The following ATP6V0E1 variants were observed in gnomAD, a reference collection of about 807,000 sequenced individuals.
ATP6V0E1 encodes the protein ATPase H+ transporting V0 subunit e1, also known as V-type proton ATPase subunit e 1.
A neutral mutation model predicts 11.6 loss-of-function variants in ATP6V0E1; 4 were observed. That is an observed-to-expected ratio of 0.35 (90% CI 0.17 to 0.79). The LOEUF (loss-of-function observed/expected upper bound fraction) is 0.79. Ranked by LOEUF, ATP6V0E1 falls within the 30% of genes least tolerant of loss-of-function variation. The pLI is 0.54. For synonymous variants in ATP6V0E1, 36 were observed against 34.8 expected (o/e 1.04, Z -0.13); for missense variants, 105 against 100.0 (o/e 1.05, Z -0.21).
intron 1 of ATP6V0E1, among the ~76,000 whole-genome samples, chr5:172,987,745 TC>T (rs1755918492): frequency 6.6e-6 from 1 of 150,836 alleles, no homozygotes; most frequent in Non-Finnish European, 1.5e-5. Context: ...TCAGAGAGTC[TC>T]ACTGTCACCC....
chr5:173,031,711 C>T (rs996330289), intron 3 of ATP6V0E1, among the ~76,000 whole-genome samples: 16 of 149,274 alleles, frequency 1.1e-4, no homozygotes, highest in Admixed American at 6.1e-4. Flanking sequence ...CCCAGCTACT[C>T]GGGAGGCTGA....
At chr5:173,034,045 G>A (rs1156526323) in intron 3 of ATP6V0E1, among the ~76,000 whole-genome samples, 4 of 152,130 alleles carry the variant, frequency 2.6e-5, no homozygotes, top group African/African-American at 9.7e-5. Context: ...CCATGCCTGC[G>A]GAACCTCCCC....
At chr5:173,007,182 C>T (rs1206869930) in intron 2 of ATP6V0E1, among the ~76,000 whole-genome samples, 1 of 151,990 alleles carries the variant, frequency 6.6e-6, no homozygotes, top group Non-Finnish European at 1.5e-5. Context: ...GCCATGTTGC[C>T]CAGGCTGGTC....
intron 2 of ATP6V0E1, among the ~76,000 whole-genome samples, chr5:172,997,883 G>A (rs1756091542): frequency 6.6e-6 from 1 of 151,850 alleles, no homozygotes; most frequent in Admixed American, 6.6e-5. Context: ...TTGGGAAGCT[G>A]AGGCGGGCAG....
chr5:173,013,531 C>T (rs537950499), intron 2 of ATP6V0E1, among the ~76,000 whole-genome samples: 5 of 145,838 alleles, frequency 3.4e-5, no homozygotes, highest in East Asian at 2.0e-4. Flanking sequence ...GCTGAGATTG[C>T]GCCACTGCAC....
intron 1 of ATP6V0E1, among the ~76,000 whole-genome samples, 186 bp downstream of exon 1, chr5:172,984,150 G>A (rs557772142): frequency 4.6e-5 from 7 of 152,278 alleles, no homozygotes; most frequent in African/African-American, 1.7e-4. Context: ...GTGTCCTCCG[G>A]CCTGAGCGAG....
At chr5:173,008,005 G>C (rs1756254639) in intron 2 of ATP6V0E1, among the ~76,000 whole-genome samples, 1 of 152,218 alleles carries the variant, frequency 6.6e-6, no homozygotes, top group African/African-American at 2.4e-5. Flanking sequence ...AGATCAAAGA[G>C]GTACCACGTT....
chr5:173,028,232 C>T (rs1756592276), intron 3 of ATP6V0E1, among the ~76,000 whole-genome samples: 1 of 152,186 alleles, frequency 6.6e-6, no homozygotes, highest in Non-Finnish European at 1.5e-5. Context: ...GTATCGTAAC[C>T]TAAGACTTTG....
At chr5:172,989,179 A>G (rs925866956) in intron 1 of ATP6V0E1, among the ~76,000 whole-genome samples, 2 of 152,062 alleles carry the variant, frequency 1.3e-5, no homozygotes, top group African/African-American at 2.4e-5. Flanking sequence ...TACAAAAACA[A>G]TTTTTTAAAA....
chr5:173,000,444 AAATGT>A (rs1313023378), intron 2 of ATP6V0E1, among the ~76,000 whole-genome samples: 6 of 152,310 alleles, frequency 3.9e-5, no homozygotes, highest in South Asian at 2.1e-4. Flanking sequence ...ATGAAATTAG[AAATGT>A]AATGTATTGT....
chr5:173,005,371 G>A (rs1237670972), intron 2 of ATP6V0E1, among the ~76,000 whole-genome samples: 1 of 152,064 alleles, frequency 6.6e-6, no homozygotes, highest in Admixed American at 6.6e-5. Flanking sequence ...ATGTCTCTTG[G>A]ATTTTTGGGG....
chr5:173,030,471 C>T (rs1258613726), intron 3 of ATP6V0E1, among the ~76,000 whole-genome samples: 5 of 142,856 alleles, frequency 3.5e-5, no homozygotes, highest in African/African-American at 1.3e-4. Flanking sequence ...AACAGAGTCT[C>T]ACTCTGTTGC....
chr5:172,992,750 A>G (rs183871917), intron 1 of ATP6V0E1, among the ~76,000 whole-genome samples: 9 of 152,230 alleles, frequency 5.9e-5, no homozygotes, highest in Admixed American at 1.3e-4. Context: ...TTTGTTGTCT[A>G]TCTATGCCAG....
intron 2 of ATP6V0E1, among the ~76,000 whole-genome samples, chr5:173,009,897 G>A (rs919864450): frequency 1.3e-5 from 2 of 151,906 alleles, no homozygotes; most frequent in African/African-American, 4.8e-5. Flanking sequence ...CTGAGTAGCT[G>A]GGATTACAGG....
At chr5:173,023,216 C>T (rs1756510278) in intron 3 of ATP6V0E1, among the ~76,000 whole-genome samples, 1 of 151,844 alleles carries the variant, frequency 6.6e-6, no homozygotes, top group Non-Finnish European at 1.5e-5. Context: ...CATTTTGAGA[C>T]AGAGTCTTGC....
intron 1 of ATP6V0E1, among the ~76,000 whole-genome samples, chr5:172,988,941 G>A (rs1755939652): frequency 2.0e-5 from 3 of 152,196 alleles, no homozygotes; most frequent in African/African-American, 4.8e-5. Flanking sequence ...CTCTCGCCTC[G>A]GCCTCCCAAT....
chr5:172,986,808 A>G, intron 1 of ATP6V0E1: 1 of 428,186 alleles, frequency 2.3e-6, no homozygotes, highest in Non-Finnish European at 4.6e-6. Flanking sequence ...TTTGTTTTTG[A>G]GACAGAGTCT....
At position 173,035,373 on chromosome 5, in the gene ATP6V0E1, G is replaced by C. The variant is rs1258714760; in HGVS notation, c.*1011G>C. ...CAGTAATTTTGTATTTCAGTAGCAG[G>C]CATCTCGATACACTAATTTGAGAGC... On this transcript the variant is annotated 3_prime_UTR_variant, in exon 4 of 4. Transcript: ENST00000519374. The C allele has an allele frequency of 6.6e-6, 1 of 152,060 alleles. No individual in the cohort carries two copies. The highest frequency in any genetic ancestry group is 1.9e-4 in the East Asian group (1 of 5,186). The allele number at this position is 152,060 out of a possible 1,614,324, so 9.4% of individuals were successfully genotyped here.
At chr5:173,006,526 C>T (rs1371660442) in intron 2 of ATP6V0E1, among the ~76,000 whole-genome samples, 1 of 152,094 alleles carries the variant, frequency 6.6e-6, no homozygotes, top group Non-Finnish European at 1.5e-5. Flanking sequence ...AGGAGAATGG[C>T]GTGAACCCGG....
Sources: allele counts gnomAD v4.1 joint callset (sites outside exome capture counted in the v4.1 genomes callset), GRCh38; gene constraint gnomAD v4.1.1; transcripts MANE v1.5; gene names NCBI Gene and HGNC (gene_info 2026-07-23, HGNC 2026-07-21).